TRAPPC9: variants seen among roughly 807,000 people sequenced by gnomAD.
TRAPPC9 encodes the protein IKK2 binding protein.
In TRAPPC9, 83 loss-of-function variants were observed where a neutral mutation model predicts 124.0. That is an observed-to-expected ratio of 0.67 (90% CI 0.56 to 0.80). The LOEUF (loss-of-function observed/expected upper bound fraction) is 0.80, where lower values mean the gene tolerates loss of function less well. TRAPPC9 is among the 30% of genes least tolerant of loss of function. TRAPPC9 has a pLI of 0.00. For missense variants in TRAPPC9, 1,302 were observed against 1,508.3 expected, an observed-to-expected ratio of 0.86 and a Z score of 2.27; for synonymous variants, 638 against 617.5, an observed-to-expected ratio of 1.03 and a Z score of -0.49.
rs1296383022 is a variant in TRAPPC9, at chr8:140,371,061, T to C, written c.1254A>G (p.Pro418=). 7 of 1,614,232 alleles carry C rather than the reference T, an allele frequency of 4.3e-6. No individual in the cohort carries two copies. Among genetic ancestry groups the C allele is most frequent in the Non-Finnish European group, 5.9e-6 (7 of 1,180,022 alleles). The change falls in exon 8 of 23, where the codon CCA becomes CCG. Residue 418 remains proline, a synonymous_variant. Transcript: ENST00000438773. ...CCCTCCACCCAGGCTCCGCGATGCT[T>C]GGGGCCACGCACTGCATGGCGGCCA... ...KRVAAMQCVA[P]SIAEPGWRAC...
chr8:139,967,524 C>A (rs1347638566), intron 19 of TRAPPC9, among the ~76,000 whole-genome samples: 1 of 152,202 alleles, frequency 6.6e-6, no homozygotes, highest in Non-Finnish European at 1.5e-5. Flanking sequence ...GGATTCCTGC[C>A]AAAGGGGGCT....
chr8:139,925,985 T>C (rs1832797647), intron 19 of TRAPPC9, among the ~76,000 whole-genome samples: 1 of 152,198 alleles, frequency 6.6e-6, no homozygotes. Flanking sequence ...AATGGTGTGC[T>C]GCAGCTAGCT....
chr8:140,124,059 T>C (rs991096895), intron 17 of TRAPPC9, among the ~76,000 whole-genome samples: 1 of 152,242 alleles, frequency 6.6e-6, no homozygotes, highest in East Asian at 1.9e-4. Context: ...AAGATGGCCA[T>C]AGCCCCCAGC....
intron 19 of TRAPPC9, among the ~76,000 whole-genome samples, chr8:139,919,427 T>C (rs913850618): frequency 2.0e-5 from 3 of 152,300 alleles, no homozygotes; most frequent in Middle Eastern, 6.8e-3. Context: ...ACGGTGATGG[T>C]TGCACAACTC....
At chr8:140,435,748 C>T (rs1003569476) in intron 3 of TRAPPC9, among the ~76,000 whole-genome samples, 1 of 152,190 alleles carries the variant, frequency 6.6e-6, no homozygotes, top group Admixed American at 6.5e-5. Context: ...GGTTGTAGTC[C>T]TCCCTCTTCC....
chr8:140,309,848 C>A (rs906979017), intron 10 of TRAPPC9, among the ~76,000 whole-genome samples: 2 of 152,196 alleles, frequency 1.3e-5, no homozygotes, highest in African/African-American at 4.8e-5. Flanking sequence ...TGTTGCAAGT[C>A]CCTCTGGACA....
At chr8:140,085,414 A>T (rs56139519) in intron 17 of TRAPPC9, among the ~76,000 whole-genome samples, 21,032 of 151,576 alleles carry the variant, frequency 0.14, 1,652 homozygotes, top group African/African-American at 0.22. Context: ...TATCTTTACC[A>T]TCCTGATAAA....
At chr8:140,124,708 G>GAGGACCCTCATAGGGA (rs1179611592) in intron 17 of TRAPPC9, among the ~76,000 whole-genome samples, 1 of 152,172 alleles carries the variant, frequency 6.6e-6, no homozygotes, top group Admixed American at 6.5e-5. Flanking sequence ...CCTCGCGGGG[G>GAGGACCCTCATAGGGA]AGGACCCTCC....
At chr8:140,122,286 G>C (rs1184794622) in intron 17 of TRAPPC9, among the ~76,000 whole-genome samples, 3 of 152,180 alleles carry the variant, frequency 2.0e-5, no homozygotes, top group Admixed American at 2.0e-4. Context: ...CCTCAGATGA[G>C]ACTGCAGCTC....
chr8:139,912,660 CT>C (rs1554670707), intron 19 of TRAPPC9, among the ~76,000 whole-genome samples: 3 of 152,240 alleles, frequency 2.0e-5, no homozygotes, highest in Non-Finnish European at 4.4e-5. Context: ...AGTTTTGAAT[CT>C]TTGCTAGTAA....
intron 1 of TRAPPC9, among the ~76,000 whole-genome samples, chr8:140,455,149 C>T (rs7016415): frequency 0.78 from 117,702 of 151,770 alleles, 46,239 homozygotes; most frequent in Middle Eastern, 0.9. Flanking sequence ...TCCTCTTTTT[C>T]TGAGATGGAG....
chr8:140,323,603 T>C (rs968976277), intron 9 of TRAPPC9, among the ~76,000 whole-genome samples: 1 of 152,098 alleles, frequency 6.6e-6, no homozygotes, highest in Admixed American at 6.5e-5. Context: ...GGGGAAGAAA[T>C]CCTTAAACAC....
intron 21 of TRAPPC9, among the ~76,000 whole-genome samples, chr8:139,797,890 G>C (rs1823215129): frequency 6.6e-6 from 1 of 152,182 alleles, no homozygotes; most frequent in African/African-American, 2.4e-5. Context: ...ACATTGTCTT[G>C]ATTATTGCAG....
intron 21 of TRAPPC9, among the ~76,000 whole-genome samples, chr8:139,737,199 G>A (rs1420299165): frequency 6.6e-6 from 1 of 152,124 alleles, no homozygotes; most frequent in Admixed American, 6.5e-5. Context: ...TCCCCAGGCA[G>A]GCCCTGAGGG....
At chr8:139,955,716 C>T (rs1050952359) in intron 19 of TRAPPC9, among the ~76,000 whole-genome samples, 4 of 152,172 alleles carry the variant, frequency 2.6e-5, no homozygotes, top group African/African-American at 4.8e-5. Flanking sequence ...GGAAATCCAC[C>T]TTTTTCAGCC....
intron 17 of TRAPPC9, among the ~76,000 whole-genome samples, chr8:140,218,594 C>T (rs981138585): frequency 1.3e-5 from 2 of 151,898 alleles, no homozygotes; most frequent in African/African-American, 2.4e-5. Flanking sequence ...TGCTGCTCTG[C>T]TACCTGCTGG....
At chr8:140,403,905 A>G (rs1267400343) in intron 6 of TRAPPC9, among the ~76,000 whole-genome samples, 1 of 152,106 alleles carries the variant, frequency 6.6e-6, no homozygotes, top group Non-Finnish European at 1.5e-5. Context: ...CAATCTGCCT[A>G]TATCAGCCTC....
At chr8:140,349,727 G>A (rs914058610) in intron 9 of TRAPPC9, among the ~76,000 whole-genome samples, 2 of 152,182 alleles carry the variant, frequency 1.3e-5, no homozygotes, top group South Asian at 2.1e-4. Context: ...CAGGCCTGGC[G>A]AAGTCAACAT....
At position 140,353,385 on chromosome 8, in the gene TRAPPC9, T is replaced by G. The variant is rs2067644490; in HGVS notation, c.1495+6665A>C. Among the ~76,000 whole-genome samples the G allele has an allele frequency of 6.6e-6, 1 of 152,108 alleles. No homozygotes were observed. The highest frequency in any genetic ancestry group is 2.4e-5 in the African/African-American group (1 of 41,410). ...ATATGACCTATTTATAGTATGCATT[T>G]TTTCCCCTTCTTTTCGTAAGTATTG... is the stretch of plus-strand genomic sequence containing the variant. On this transcript the variant is annotated intron_variant, in intron 9 of 22. Transcript: ENST00000438773. This position sits in a 1 kb window ranked among gnomAD's most constrained non-coding sequence, Gnocchi z 4.2.
Sources: allele counts gnomAD v4.1 joint callset (sites outside exome capture counted in the v4.1 genomes callset), GRCh38; gene constraint gnomAD v4.1.1; non-coding constraint Gnocchi (gnomAD v3.1); transcripts MANE v1.5; gene names NCBI Gene and HGNC (gene_info 2026-07-23, HGNC 2026-07-21).